Variants in OTUD7A observed in about 807,000 individuals in gnomAD.
OTUD7A encodes OTU domain-containing protein 7A.
OTUD7A carries 12 observed loss-of-function variants against 65.7 expected under a neutral mutation model. The observed-to-expected ratio is 0.18, with a 90% CI of 0.12 to 0.30. The LOEUF (loss-of-function observed/expected upper bound fraction) is 0.30, where lower values mean the gene tolerates loss of function less well. Ranked by LOEUF, OTUD7A falls within the 10% of genes least tolerant of loss-of-function variation. OTUD7A has a pLI of 1.00. For synonymous variants in OTUD7A, 641 were observed against 586.3 expected (o/e 1.09, Z -1.35); for missense variants, 1,148 against 1,304.8 (o/e 0.88, Z 1.85).
At chr15:31,869,063 A>G (rs762301986) in intron 1 of OTUD7A, among the ~76,000 whole-genome samples, 3 of 152,248 alleles carry the variant, frequency 2.0e-5, no homozygotes, top group Admixed American at 6.5e-5. Flanking sequence ...TCCTTTCGAT[A>G]TGATAGGCTT....
At chr15:31,766,904 C>T in intron 1 of OTUD7A, 1 of 1,609,758 alleles carries the variant, frequency 6.2e-7, no homozygotes. Flanking sequence ...GACACATCTA[C>T]AATTCCTTCC....
chr15:31,826,612 A>G (rs977731501), intron 1 of OTUD7A, among the ~76,000 whole-genome samples: 1 of 152,236 alleles, frequency 6.6e-6, no homozygotes, highest in Non-Finnish European at 1.5e-5. Context: ...TTACTTATGC[A>G]AATTTCTGCA....
chr15:31,839,371 T>G (rs1462558196), intron 1 of OTUD7A, among the ~76,000 whole-genome samples: 1 of 152,138 alleles, frequency 6.6e-6, no homozygotes, highest in East Asian at 1.9e-4. Flanking sequence ...AGCAGGATGG[T>G]ATCCATGGGG....
At chr15:31,518,802 C>A (rs377030129) in intron 8 of OTUD7A, among the ~76,000 whole-genome samples, 20 of 152,376 alleles carry the variant, frequency 1.3e-4, no homozygotes, top group African/African-American at 3.6e-4. Flanking sequence ...CTGAACCCAG[C>A]CTATGTCCTG....
intron 1 of OTUD7A, among the ~76,000 whole-genome samples, chr15:31,741,552 C>A (rs1894345038): frequency 6.6e-6 from 1 of 151,900 alleles, no homozygotes; most frequent in South Asian, 2.1e-4. Context: ...AAAATGAATA[C>A]AATCTGCATG....
At position 31,558,770 on chromosome 15, in the gene OTUD7A, C is replaced by T. The variant is rs182168518; in HGVS notation, c.550+199G>A. On this transcript the variant is annotated intron_variant, in intron 5 of 12. Coordinates refer to ENST00000307050, the MANE Select transcript of OTUD7A (RefSeq NM_001382637.1). ...AGAGATTTCAGCACCACCTAGTTAT[C>T]GGCCCCTCCATCCAGCCCATGCTGG... The T allele has an allele frequency of 5.5e-4, 339 of 619,614 alleles. 3 individuals are homozygous for T. In the African/African-American group the frequency reaches 5.6e-3, roughly 10 times the overall value. 38.4% of individuals were successfully genotyped at this position (619,614 alleles called of 1,614,324 possible).
chr15:31,867,209 G>A (rs1897899926), intron 1 of OTUD7A, among the ~76,000 whole-genome samples: 1 of 152,150 alleles, frequency 6.6e-6, no homozygotes, highest in Admixed American at 6.5e-5. Context: ...CTTAAAATCA[G>A]ATAAAGCACA....
At chr15:31,723,060 G>A (rs887282995) in intron 1 of OTUD7A, among the ~76,000 whole-genome samples, 6 of 152,178 alleles carry the variant, frequency 3.9e-5, no homozygotes, top group African/African-American at 9.6e-5. Context: ...CCACCATGAG[G>A]ACCATGGGGC....
intron 1 of OTUD7A, among the ~76,000 whole-genome samples, chr15:31,798,811 TG>T (rs945353396): frequency 1.6e-4 from 24 of 150,828 alleles, no homozygotes; most frequent in South Asian, 4.2e-4. Context: ...AGGCTCAGCT[TG>T]GGGGGGGGCT....
intron 12 of OTUD7A, among the ~76,000 whole-genome samples, chr15:31,486,016 T>TGC (rs1193846854): frequency 6.6e-6 from 1 of 151,784 alleles, no homozygotes; most frequent in African/African-American, 2.4e-5. Context: ...GGAAGGGAGG[T>TGC]GCGCCTGGTG....
rs71474680 is a variant in OTUD7A at position 31,637,594 on chromosome 15, T to C, written c.151+17502A>G. On this transcript the variant is annotated intron_variant, in intron 3 of 12. Coordinates refer to ENST00000307050, the MANE Select transcript of OTUD7A (RefSeq NM_001382637.1). Reference sequence around the variant, plus strand: ...TTTATAAGGCTATAACTGCCATAGATAGTGATTCCTCTGATAGATCTGGGC... The same window carrying C: ...TTTATAAGGCTATAACTGCCATAGACAGTGATTCCTCTGATAGATCTGGGC... Among the ~76,000 whole-genome samples the C allele has an allele frequency of 5.9e-5, 9 of 152,362 alleles. No homozygotes were observed. In the South Asian group the frequency reaches 6.2e-4, roughly 11 times the overall value.
intron 4 of OTUD7A, among the ~76,000 whole-genome samples, chr15:31,568,194 T>A (rs895152166): frequency 2.6e-5 from 4 of 152,134 alleles, no homozygotes; most frequent in South Asian, 2.1e-4. Flanking sequence ...AGAGCAGCCA[T>A]GGGGGCTGAA....
intron 8 of OTUD7A, among the ~76,000 whole-genome samples, chr15:31,511,953 A>AT (rs916193473): frequency 7.9e-5 from 12 of 151,110 alleles, no homozygotes; most frequent in South Asian, 2.1e-4. Flanking sequence ...CTCAGTGGGG[A>AT]TTTTTTTTAC....
intron 1 of OTUD7A, among the ~76,000 whole-genome samples, chr15:31,753,857 T>C (rs575636179): frequency 6.6e-6 from 1 of 151,602 alleles, no homozygotes; most frequent in African/African-American, 2.4e-5. Flanking sequence ...TTTTGTATAA[T>C]GACTTTTCTC....
chr15:31,752,652 T>A (rs541476152), intron 1 of OTUD7A, among the ~76,000 whole-genome samples: 2 of 152,276 alleles, frequency 1.3e-5, no homozygotes, highest in East Asian at 3.9e-4. Context: ...ATATCAAAAA[T>A]CACATTCACT....
chr15:31,643,415 C>A (rs1891575156), intron 3 of OTUD7A, among the ~76,000 whole-genome samples: 1 of 152,088 alleles, frequency 6.6e-6, no homozygotes, highest in African/African-American at 2.4e-5. Flanking sequence ...GCTGTTAATT[C>A]CACTGAGTTA....
rs541329488 is a variant in OTUD7A, at chr15:31,628,723, G to A, written c.151+26373C>T. Among the ~76,000 whole-genome samples, 17 of 152,244 alleles carry A rather than the reference G, an allele frequency of 1.1e-4. No individual in the cohort carries two copies. In the East Asian group the frequency reaches 2.7e-3, roughly 24 times the overall value. ...CACGATATTGATTCTTCCTACCCAT[G>A]AGCATGGAATGTTCTTCCATTTGTT... On this transcript the variant is annotated intron_variant, in intron 3 of 12. Coordinates refer to ENST00000307050, the MANE Select transcript of OTUD7A (RefSeq NM_001382637.1).
At chr15:31,855,673 T>C (rs1897552491) in intron 1 of OTUD7A, among the ~76,000 whole-genome samples, 1 of 152,142 alleles carries the variant, frequency 6.6e-6, no homozygotes, top group Admixed American at 6.5e-5. Context: ...TGTAAAAAGT[T>C]ATAGGGTGAG....
At chr15:31,793,816 T>G (rs1895881584) in intron 1 of OTUD7A, among the ~76,000 whole-genome samples, 1 of 152,260 alleles carries the variant, frequency 6.6e-6, no homozygotes, top group South Asian at 2.1e-4. Context: ...TTTGGCCATT[T>G]TTCCATGTAG....
Sources: gnomAD v4.1 joint callset for allele counts (sites outside exome capture counted in the v4.1 genomes callset) on GRCh38, gnomAD v4.1.1 for gene constraint, MANE v1.5 for transcripts, NCBI Gene and HGNC (gene_info 2026-07-23, HGNC 2026-07-21) for gene names.